The following ATR variants were observed in gnomAD, a reference collection of about 807,000 sequenced individuals.
ATR encodes serine/threonine-protein kinase ATR.
ATR carries 142 observed loss-of-function variants against 305.3 expected under a neutral mutation model. That is an observed-to-expected ratio of 0.47 (90% CI 0.41 to 0.53). The LOEUF (loss-of-function observed/expected upper bound fraction) is 0.53, where lower values mean the gene tolerates loss of function less well. Among genes scored for constraint, ATR ranks in the 20% least tolerant of loss-of-function variants. The pLI, the probability that ATR is intolerant of heterozygous loss-of-function variation, is 0.00. For synonymous variants in ATR, 1,050 were observed against 1,068.1 expected, an observed-to-expected ratio of 0.98 and a Z score of 0.33; for missense variants, 2,135 against 3,133.1, an observed-to-expected ratio of 0.68 and a Z score of 7.60.
intron 26 of ATR, 56 bp from the exon 27 acceptor site, chr3:142,512,526 A>G (rs2032632070): frequency 1.5e-6 from 2 of 1,378,678 alleles, no homozygotes; most frequent in Admixed American, 2.1e-5. Context: ...TTTAACTATT[A>G]TATGACATCT....
At chr3:142,561,824 T>C (rs1384838913) in intron 4 of ATR, among the ~76,000 whole-genome samples, 1 of 152,138 alleles carries the variant, frequency 6.6e-6, no homozygotes, top group Non-Finnish European at 1.5e-5. Context: ...ACAGTCCAAA[T>C]AGAAAAAAGC....
At chr3:142,468,448 T>C (rs2071182014) in intron 38 of ATR, among the ~76,000 whole-genome samples, 1 of 152,074 alleles carries the variant, frequency 6.6e-6, no homozygotes, top group Non-Finnish European at 1.5e-5. Context: ...TTATATTTAA[T>C]AACATGGAAA....
At position 142,549,672 on chromosome 3, in the gene ATR, C is replaced by T. The variant is rs2034404610; in HGVS notation, c.2978G>A (p.Arg993Lys). 1 of 1,613,034 alleles carries T rather than the reference C, an allele frequency of 6.2e-7. No individual in the cohort carries two copies. Reference protein sequence around the residue: ...DFPDLNRFLTRTLQVLLPDLA... With the variant: ...DFPDLNRFLTKTLQVLLPDLA... ...ATCAGGTAGTAGAACTTGTAATGTC[C>T]TCTGAAAAAGAATGCAACAATTACC... Residue 993 changes from arginine to lysine, a missense_variant and splice_region_variant, in exon 15 of 47, where the codon AGG becomes AAG. Physicochemically the swap from Arg to Lys is conservative, Grantham distance 26 (BLOSUM62 2). Coordinates refer to ENST00000350721, the MANE Select transcript of ATR (RefSeq NM_001184.4).
At position 142,563,183 on chromosome 3, in the gene ATR, C is replaced by T. The variant is rs921624952; in HGVS notation, c.293-74G>A. On this transcript the variant is annotated intron_variant, in intron 3 of 46. Transcript: ENST00000350721. ...GCTAATTCATTTGCTAAATCCTTGA[C>T]GATTGACTTTTAAAGAATAAACTTC... The T allele has an allele frequency of 4.1e-5, 58 of 1,401,670 alleles. 1 individual carries two copies. The highest frequency in any genetic ancestry group is 1.1e-4 in the South Asian group (8 of 74,120). 86.8% of individuals were successfully genotyped at this position (1,401,670 alleles called of 1,614,324 possible).
intron 33 of ATR, 96 bp from the exon 34 acceptor site, chr3:142,496,616 CAAGT>C: frequency 1.5e-6 from 2 of 1,310,336 alleles, no homozygotes; most frequent in Non-Finnish European, 2.2e-6. Context: ...ATAAACTTTG[CAAGT>C]AGTTCCAATG....
intron 36 of ATR, among the ~76,000 whole-genome samples, chr3:142,473,423 A>G (rs1440030182): frequency 6.6e-6 from 1 of 152,076 alleles, no homozygotes. Context: ...GCGTGGATTC[A>G]TTTCTAGGGT....
At chr3:142,476,502 T>C (rs995214175) in intron 36 of ATR, among the ~76,000 whole-genome samples, 5 of 152,232 alleles carry the variant, frequency 3.3e-5, no homozygotes, top group African/African-American at 1.2e-4. Flanking sequence ...TGTAGCCTTG[T>C]AGTATAGCTT....
chr3:142,536,279 T>G, intron 19 of ATR, 78 bp from the exon 20 acceptor site: 1 of 1,016,020 alleles, frequency 9.8e-7, no homozygotes. Context: ...AAGTTGAAAC[T>G]AAGGCCAATT....
chr3:142,474,254 A>C (rs939597795), intron 36 of ATR, among the ~76,000 whole-genome samples: 4 of 152,246 alleles, frequency 2.6e-5, no homozygotes, highest in South Asian at 2.1e-4. Context: ...CAAAACAAAA[A>C]AAAAAGGAAA....
chr3:142,565,359 AT>A (rs2035031135), intron 3 of ATR, among the ~76,000 whole-genome samples: 1 of 152,218 alleles, frequency 6.6e-6, no homozygotes, highest in South Asian at 2.1e-4. Flanking sequence ...TACTTTATCC[AT>A]TATACAAAAA....
intron 40 of ATR, among the ~76,000 whole-genome samples, chr3:142,466,010 CAAAAAAA>C (rs143485594): frequency 1.5e-5 from 1 of 68,730 alleles, no homozygotes; most frequent in African/African-American, 4.4e-5. Flanking sequence ...ACCCTGTTTC[CAAAAAAA>C]AAAAAAAAGA....
chr3:142,451,860 T>TG, intron 46 of ATR: 1 of 1,320,808 alleles, frequency 7.6e-7, no homozygotes, highest in Non-Finnish European at 1.0e-6. Context: ...AGAACAGAAA[T>TG]GGAGCGAGCA....
intron 21 of ATR, among the ~76,000 whole-genome samples, chr3:142,531,637 T>C (rs2033651094): frequency 6.6e-6 from 1 of 152,232 alleles, no homozygotes; most frequent in Admixed American, 6.5e-5. Flanking sequence ...TGCCACATTT[T>C]CTTAATTCAG....
At chr3:142,533,515 G>A (rs190876754) in intron 21 of ATR, among the ~76,000 whole-genome samples, 7 of 152,196 alleles carry the variant, frequency 4.6e-5, no homozygotes, top group Admixed American at 2.6e-4. Context: ...CTATCTTCTT[G>A]CCACAGTTGG....
intron 1 of ATR, among the ~76,000 whole-genome samples, chr3:142,570,005 A>G (rs1268808767): frequency 6.6e-6 from 1 of 152,014 alleles, no homozygotes; most frequent in Non-Finnish European, 1.5e-5. Context: ...TGTGGTTTTG[A>G]TTTGCATCTC....
At chr3:142,460,176 G>A (rs1035912408) in intron 42 of ATR, among the ~76,000 whole-genome samples, 1 of 151,832 alleles carries the variant, frequency 6.6e-6, no homozygotes, top group African/African-American at 2.4e-5. Flanking sequence ...CATAAAATAG[G>A]GATGGATAAT....
At chr3:142,555,567 G>A (rs764138105) in intron 10 of ATR, among the ~76,000 whole-genome samples, 4 of 152,112 alleles carry the variant, frequency 2.6e-5, no homozygotes, top group South Asian at 2.1e-4. Context: ...ACATTAAGAC[G>A]ATCTCTGGTA....
intron 44 of ATR, 91 bp downstream of exon 44, chr3:142,458,867 G>A (rs2108259380): frequency 7.1e-7 from 1 of 1,402,412 alleles, no homozygotes; most frequent in South Asian, 1.2e-5. Flanking sequence ...GAGTATAACT[G>A]CTACTAACAG....
At chr3:142,512,157 T>C in intron 27 of ATR, 103 bp downstream of exon 27, 1 of 1,021,500 alleles carries the variant, frequency 9.8e-7, no homozygotes, top group Non-Finnish European at 1.5e-6. Flanking sequence ...TGAAGCAAGG[T>C]ATTTTTTAAG....
Sources: gnomAD v4.1 joint callset for allele counts (sites outside exome capture counted in the v4.1 genomes callset) on GRCh38, gnomAD v4.1.1 for gene constraint, MANE v1.5 for transcripts, NCBI Gene and HGNC (gene_info 2026-07-23, HGNC 2026-07-21) for gene names.